Variants in SLC35F3 observed in about 807,000 individuals in gnomAD.
SLC35F3 encodes putative thiamine transporter SLC35F3.
A neutral mutation model predicts 49.9 loss-of-function variants in SLC35F3; 25 were observed. That is an observed-to-expected ratio of 0.50 (90% CI 0.37 to 0.70). The LOEUF (loss-of-function observed/expected upper bound fraction) is 0.70. SLC35F3 is among the 30% of genes least tolerant of loss of function. The probability of loss-of-function intolerance (pLI) is 0.00; values close to 1 mark genes in which losing one functional copy is unlikely to be tolerated. For missense variants in SLC35F3, 525 were observed against 639.8 expected (o/e 0.82, Z 1.94); for synonymous variants, 275 against 265.4 (o/e 1.04, Z -0.35).
In SLC35F3 at chr1:234,320,529, G is replaced by A. The variant is rs1657591331; in HGVS notation, c.1237+342G>A. Among the ~76,000 whole-genome samples, 1 of 152,112 alleles carries A rather than the reference G, an allele frequency of 6.6e-6. No individual in the cohort carries two copies. Among genetic ancestry groups the A allele is most frequent in the Admixed American group, 6.5e-5 (1 of 15,272 alleles). On this transcript the variant is annotated intron_variant, in intron 7 of 7. Coordinates refer to ENST00000366618, the MANE Select transcript of SLC35F3 (RefSeq NM_173508.4). This position sits in a 1 kb window ranked among gnomAD's most constrained non-coding sequence, Gnocchi z 4.8. ...AGGCATCTTGATTCTAACTGGTATG[G>A]GGAGCAGAATGAATCTCATCAGCAT...
chr1:233,992,112 C>T (rs573535198), intron 2 of SLC35F3, among the ~76,000 whole-genome samples: 21 of 152,294 alleles, frequency 1.4e-4, no homozygotes, highest in African/African-American at 4.8e-4. Context: ...CAATCCCAGA[C>T]GGCCGTGGTG....
rs547412536 is a variant in SLC35F3 at position 234,025,363 on chromosome 1, A to G, written c.283+119605A>G. ...AATGGGATTGCTGGGTTGAATGGTA[A>G]TTCTGTTTTAAGTTCTTTGAGAAAT... On this transcript the variant is annotated intron_variant, in intron 2 of 7. Coordinates refer to ENST00000366618, the MANE Select transcript of SLC35F3 (RefSeq NM_173508.4). Among the ~76,000 whole-genome samples the G allele has an allele frequency of 1.4e-4, 22 of 152,320 alleles. No homozygotes were observed. The South Asian group carries it at 4.6e-3, about 32-fold the overall frequency.
chr1:234,248,917 C>T (rs924111646), intron 3 of SLC35F3, among the ~76,000 whole-genome samples: 6 of 152,186 alleles, frequency 3.9e-5, no homozygotes, highest in Admixed American at 2.0e-4. Flanking sequence ...ACCAGGGAAA[C>T]CTTCAGATAC....
chr1:233,926,650 C>A (rs1035241181), intron 2 of SLC35F3, among the ~76,000 whole-genome samples: 2 of 152,152 alleles, frequency 1.3e-5, no homozygotes, highest in Non-Finnish European at 2.9e-5. Flanking sequence ...TCATCAAAGT[C>A]ATTTTCTGTC....
At chr1:233,918,917 G>A (rs781457718) in intron 2 of SLC35F3, among the ~76,000 whole-genome samples, 1 of 151,678 alleles carries the variant, frequency 6.6e-6, no homozygotes, top group African/African-American at 2.4e-5. Context: ...CTTAACAGAT[G>A]CTGAGATATT....
intron 3 of SLC35F3, among the ~76,000 whole-genome samples, chr1:234,295,067 C>T (rs1482125009): frequency 6.6e-6 from 1 of 152,200 alleles, no homozygotes; most frequent in East Asian, 1.9e-4. Context: ...GATTGTCTAG[C>T]GAGGAAGGTT....
At chr1:233,911,072 T>C (rs1243145447) in intron 2 of SLC35F3, among the ~76,000 whole-genome samples, 1 of 152,134 alleles carries the variant, frequency 6.6e-6, no homozygotes, top group African/African-American at 2.4e-5. Flanking sequence ...AAATTGCATG[T>C]TTCAGGATTC....
intron 3 of SLC35F3, among the ~76,000 whole-genome samples, chr1:234,291,775 C>T (rs963456435): frequency 5.3e-5 from 8 of 152,164 alleles, no homozygotes; most frequent in Admixed American, 3.3e-4. Context: ...TTTGTATTTA[C>T]GCTAATTAGG....
chr1:234,202,033 C>T (rs971466633), intron 2 of SLC35F3, among the ~76,000 whole-genome samples: 1 of 151,454 alleles, frequency 6.6e-6, no homozygotes, highest in African/African-American at 2.4e-5. Flanking sequence ...ACATATACAC[C>T]ATGGAATACT....
At chr1:233,979,098 G>T (rs1401391224) in intron 2 of SLC35F3, among the ~76,000 whole-genome samples, 2 of 150,686 alleles carry the variant, frequency 1.3e-5, no homozygotes, top group African/African-American at 4.9e-5. Flanking sequence ...AAAAGAAAAA[G>T]AATTAAATGA....
intron 2 of SLC35F3, among the ~76,000 whole-genome samples, chr1:234,107,367 C>T (rs1457901561): frequency 6.6e-6 from 1 of 152,194 alleles, no homozygotes; most frequent in Non-Finnish European, 1.5e-5. Context: ...GAAGAATTGG[C>T]ACCAGTAATT....
intron 2 of SLC35F3, among the ~76,000 whole-genome samples, chr1:234,181,678 G>A (rs2102923931): frequency 6.6e-6 from 1 of 152,262 alleles, no homozygotes; most frequent in South Asian, 2.1e-4. Context: ...TCTCTGTGGT[G>A]TCATTTACCA....
intron 2 of SLC35F3, among the ~76,000 whole-genome samples, chr1:234,147,307 C>CT (rs138810661): frequency 0.068 from 10,141 of 148,268 alleles, 569 homozygotes; most frequent in African/African-American, 0.14. Flanking sequence ...CATCTCTTAG[C>CT]TTTCTTTTAT....
intron 2 of SLC35F3, among the ~76,000 whole-genome samples, chr1:234,155,306 G>A (rs1479124929): frequency 6.6e-6 from 1 of 152,028 alleles, no homozygotes; most frequent in African/African-American, 2.4e-5. Flanking sequence ...TCTAATAAAG[G>A]TTTCTACTGG....
intron 2 of SLC35F3, among the ~76,000 whole-genome samples, chr1:234,148,810 G>T (rs994928128): frequency 6.6e-6 from 1 of 152,112 alleles, no homozygotes; most frequent in Non-Finnish European, 1.5e-5. Context: ...CTTGGAGATA[G>T]ATATGACAGA....
At chr1:234,299,758 T>C (rs1668662901) in intron 3 of SLC35F3, among the ~76,000 whole-genome samples, 1 of 141,066 alleles carries the variant, frequency 7.1e-6, no homozygotes, top group African/African-American at 2.7e-5. Context: ...TGAGCTGAGA[T>C]TGCACCACTG....
chr1:234,055,950 A>T (rs1022158814), intron 2 of SLC35F3, among the ~76,000 whole-genome samples: 2 of 152,188 alleles, frequency 1.3e-5, no homozygotes, highest in African/African-American at 2.4e-5. Flanking sequence ...TTATTTTTGT[A>T]TTCAGAAAAC....
At chr1:234,162,413 A>C (rs1666242882) in intron 2 of SLC35F3, among the ~76,000 whole-genome samples, 1 of 140,692 alleles carries the variant, frequency 7.1e-6, no homozygotes, top group Non-Finnish European at 1.5e-5. Flanking sequence ...AAAAAAAAGC[A>C]ATCTTTAACA....
chr1:234,047,694 T>C (rs1030260678), intron 2 of SLC35F3, among the ~76,000 whole-genome samples: 2 of 137,542 alleles, frequency 1.5e-5, no homozygotes, highest in African/African-American at 6.9e-5. Context: ...CACACACACA[T>C]ACATACACAC....
Sources: gnomAD v4.1 joint callset for allele counts (sites outside exome capture counted in the v4.1 genomes callset) on GRCh38, gnomAD v4.1.1 for gene constraint, Gnocchi (gnomAD v3.1) non-coding constraint, MANE v1.5 for transcripts, NCBI Gene and HGNC (gene_info 2026-07-23, HGNC 2026-07-21) for gene names.